The following ADGRL3 variants were observed in gnomAD, a reference collection of about 807,000 sequenced individuals.
The protein encoded by ADGRL3 is adhesion G protein-coupled receptor L3, also known as calcium-independent alpha-latrotoxin receptor 3.
In ADGRL3, 62 loss-of-function variants were observed where a neutral mutation model predicts 153.5. The observed-to-expected ratio is 0.40, with a 90% CI of 0.33 to 0.50. ADGRL3 has a LOEUF of 0.50. Ranked by LOEUF, ADGRL3 falls within the 20% of genes least tolerant of loss-of-function variation. The pLI is 0.47. For missense variants in ADGRL3, 1,641 were observed against 1,859.4 expected, an observed-to-expected ratio of 0.88 and a Z score of 2.16; for synonymous variants, 710 against 672.5, an observed-to-expected ratio of 1.06 and a Z score of -0.86.
intron 1 of ADGRL3, among the ~76,000 whole-genome samples, chr4:61,228,516 TAG>T (rs1749009127): frequency 6.6e-6 from 1 of 152,108 alleles, no homozygotes; most frequent in African/African-American, 2.4e-5. Flanking sequence ...ATTTATATAG[TAG>T]AGAGTAGGAA....
chr4:61,604,602 G>A (rs1197727677), intron 5 of ADGRL3, among the ~76,000 whole-genome samples: 1 of 152,086 alleles, frequency 6.6e-6, no homozygotes, highest in Non-Finnish European at 1.5e-5. Flanking sequence ...TTAAAATGCA[G>A]TAAAATAATT....
chr4:61,975,033 T>A (rs2099043138), intron 17 of ADGRL3, among the ~76,000 whole-genome samples: 1 of 152,196 alleles, frequency 6.6e-6, no homozygotes, highest in Admixed American at 6.5e-5. Context: ...TACTGTATAT[T>A]ACATATTTCT....
intron 1 of ADGRL3, among the ~76,000 whole-genome samples, chr4:61,234,336 C>G (rs1751966642): frequency 1.3e-5 from 2 of 152,102 alleles, no homozygotes; most frequent in South Asian, 4.1e-4. Context: ...CCCATCCGGT[C>G]TCGTGAGACT....
intron 5 of ADGRL3, among the ~76,000 whole-genome samples, chr4:61,643,165 T>C (rs1011329119): frequency 6.6e-6 from 1 of 152,172 alleles, no homozygotes; most frequent in African/African-American, 2.4e-5. Flanking sequence ...CTGAAGTTGC[T>C]TATCAGCTTA....
chr4:61,804,082 A>G (rs1055149096), intron 8 of ADGRL3, among the ~76,000 whole-genome samples: 3 of 152,214 alleles, frequency 2.0e-5, no homozygotes, highest in Admixed American at 6.5e-5. Flanking sequence ...GTTGTATTCT[A>G]TACAATGATA....
rs564549822 is a variant in ADGRL3, at chr4:61,767,502, C to T, written c.1399+33948C>T. On this transcript the variant is annotated intron_variant, in intron 8 of 26. Coordinates refer to ENST00000683033, the MANE Select transcript of ADGRL3 (RefSeq NM_001387552.1). ...CTTACCTTCCACTGTGAGAGTTACC[C>T]GAAGCTCGGCGTCCGTGATGGTCTA... Among the ~76,000 whole-genome samples, 20 of 152,102 alleles carry T rather than the reference C, an allele frequency of 1.3e-4. 1 individual carries two copies. The highest frequency in any genetic ancestry group is 2.1e-4 in the South Asian group (1 of 4,818).
At chr4:61,823,212 T>C (rs1408348479) in intron 9 of ADGRL3, among the ~76,000 whole-genome samples, 3 of 152,202 alleles carry the variant, frequency 2.0e-5, no homozygotes, top group Non-Finnish European at 4.4e-5. Context: ...TGTCTTACTT[T>C]GTTTTTAGTC....
chr4:61,829,959 G>A (rs1191888457), intron 9 of ADGRL3, among the ~76,000 whole-genome samples: 3 of 151,990 alleles, frequency 2.0e-5, no homozygotes, highest in East Asian at 3.9e-4. Flanking sequence ...TTGAGACCAG[G>A]AGTTTGAGAT....
chr4:61,575,688 G>C (rs909479866), intron 4 of ADGRL3, among the ~76,000 whole-genome samples: 6 of 151,944 alleles, frequency 3.9e-5, no homozygotes, highest in African/African-American at 9.7e-5. Flanking sequence ...TGCGGTGAAG[G>C]GTTGATATTT....
chr4:61,272,534 G>A (rs1000048328), intron 1 of ADGRL3, among the ~76,000 whole-genome samples: 11 of 151,914 alleles, frequency 7.2e-5, no homozygotes, highest in South Asian at 4.2e-4. Context: ...AAATAATAAC[G>A]TAGTCATGAT....
intron 23 of ADGRL3, among the ~76,000 whole-genome samples, chr4:62,037,185 A>T (rs992307127): frequency 3.3e-5 from 5 of 152,160 alleles, no homozygotes; most frequent in African/African-American, 1.2e-4. Context: ...CTTAGAAGAA[A>T]TGATTAGCCC....
At chr4:61,349,024 G>T (rs2095986670) in intron 1 of ADGRL3, among the ~76,000 whole-genome samples, 2 of 151,822 alleles carry the variant, frequency 1.3e-5, no homozygotes, top group South Asian at 4.2e-4. Context: ...GATGTGGGAG[G>T]GGTAGTTATT....
At chr4:61,475,222 A>G (rs1178294544) in intron 2 of ADGRL3, among the ~76,000 whole-genome samples, 1 of 152,142 alleles carries the variant, frequency 6.6e-6, no homozygotes, top group Non-Finnish European at 1.5e-5. Context: ...TGTCTTACTT[A>G]TTTGTAAAAA....
intron 4 of ADGRL3, among the ~76,000 whole-genome samples, chr4:61,565,206 G>C (rs2098811544): frequency 6.6e-6 from 1 of 152,018 alleles, no homozygotes; most frequent in Admixed American, 6.6e-5. Flanking sequence ...ATAAAACAAG[G>C]TATGCCAGTG....
chr4:62,051,183 TATATATAC>T (rs1186529602), intron 25 of ADGRL3, among the ~76,000 whole-genome samples: 89 of 140,806 alleles, frequency 6.3e-4, no homozygotes, highest in African/African-American at 2.2e-3. Flanking sequence ...TATATATATA[TATATATAC>T]ATACATACAC....
intron 13 of ADGRL3, among the ~76,000 whole-genome samples, chr4:61,914,365 C>T (rs1471187835): frequency 6.6e-6 from 1 of 152,060 alleles, no homozygotes; most frequent in Non-Finnish European, 1.5e-5. Flanking sequence ...GACAGGTTAA[C>T]AAGAGACAAA....
chr4:61,830,345 CAG>C (rs1315737280), intron 9 of ADGRL3, among the ~76,000 whole-genome samples: 6 of 152,120 alleles, frequency 3.9e-5, no homozygotes, highest in Non-Finnish European at 8.8e-5. Context: ...GCCTGGGCAA[CAG>C]AGTGAGATGA....
At chr4:61,681,874 G>A (rs1296128355) in intron 6 of ADGRL3, among the ~76,000 whole-genome samples, 17 of 152,040 alleles carry the variant, frequency 1.1e-4, no homozygotes, top group Non-Finnish European at 5.9e-5. Flanking sequence ...ATTTTAGAAA[G>A]ATCACAAAAA....
chr4:61,434,551 A>T (rs2097420498), intron 2 of ADGRL3, among the ~76,000 whole-genome samples: 1 of 152,114 alleles, frequency 6.6e-6, no homozygotes, highest in Admixed American at 6.6e-5. Context: ...GTCAGAATAG[A>T]TAATGGACAC....
Sources: gnomAD v4.1 joint callset for allele counts (sites outside exome capture counted in the v4.1 genomes callset) on GRCh38, gnomAD v4.1.1 for gene constraint, MANE v1.5 for transcripts, NCBI Gene and HGNC (gene_info 2026-07-23, HGNC 2026-07-21) for gene names.